The following DAAM2 variants were observed in gnomAD, a reference collection of about 807,000 sequenced individuals.
DAAM2 encodes dishevelled associated activator of morphogenesis 2.
A neutral mutation model predicts 120.7 loss-of-function variants in DAAM2; 39 were observed. The observed-to-expected ratio is 0.32, with a 90% confidence interval of 0.25 to 0.42. DAAM2 has a LOEUF of 0.42. Ranked by LOEUF, DAAM2 falls within the 10% of genes least tolerant of loss-of-function variation. The pLI, the probability that DAAM2 is intolerant of heterozygous loss-of-function variation, is 1.00. For synonymous variants in DAAM2, 488 were observed against 524.9 expected (o/e 0.93, Z 0.96); for missense variants, 1,283 against 1,401.7 (o/e 0.92, Z 1.35).
intron 1 of DAAM2, among the ~76,000 whole-genome samples, chr6:39,817,412 T>A (rs1321608491): frequency 6.6e-6 from 1 of 152,176 alleles, no homozygotes; most frequent in Non-Finnish European, 1.5e-5. Flanking sequence ...CGGTAGTGGA[T>A]CAACAGAGGG....
chr6:39,877,950 G>A lies in DAAM2; in HGVS notation c.1302-253G>A, dbSNP rs556980988. ...CCATTCTCTGAGCCTCAGTGGCTCCGGCTGTATCACAAAGGGGCCGGGTTA... is the reference window on the plus strand; with the variant it reads ...CCATTCTCTGAGCCTCAGTGGCTCCAGCTGTATCACAAAGGGGCCGGGTTA... On this transcript the variant is annotated intron_variant, in intron 11 of 24. Coordinates refer to ENST00000274867, the MANE Select transcript of DAAM2 (RefSeq NM_001201427.2). 5.9e-5 allele frequency among the ~76,000 whole-genome samples: 9 copies of A among 152,254 alleles called. No individual in the cohort carries two copies. The South Asian group carries it at 8.3e-4, about 14-fold the overall frequency.
At chr6:39,819,380 T>G (rs1304558895) in intron 1 of DAAM2, 2 of 152,198 alleles carry the variant, frequency 1.3e-5, no homozygotes, top group African/African-American at 4.8e-5. Flanking sequence ...AAATGCTACT[T>G]ACCTCCTCCA....
At chr6:39,840,371 C>A (rs1203428116) in intron 1 of DAAM2, among the ~76,000 whole-genome samples, 2 of 152,184 alleles carry the variant, frequency 1.3e-5, no homozygotes, top group African/African-American at 2.4e-5. Context: ...GATGCTAATA[C>A]CCACATTTCG....
In DAAM2 at chr6:39,879,283, T is replaced by G; in HGVS notation, c.1651T>G (p.Cys551Gly). ...PPPPPPLPFA[C>G]CPPPPPPPLP... is the part of the protein sequence containing the mutation. Reference sequence around the variant, plus strand: ...ACCCCCTCCTCCTCTGCCCTTTGCCTGTTGTCCCCCTCCCCCACCACCACC... The same window carrying G: ...ACCCCCTCCTCCTCTGCCCTTTGCCGGTTGTCCCCCTCCCCCACCACCACC... The change falls in exon 14 of 25, where the codon TGT (cysteine) becomes GGT (glycine). Residue 551 changes from cysteine (C) to glycine (G), a missense_variant. By Grantham distance (159) the Cys-to-Gly change is radical. This residue lies in a region of DAAM2 where 748 missense variants were observed against 768.6 expected (regional missense o/e 0.97). Coordinates refer to ENST00000274867, the MANE Select transcript of DAAM2 (RefSeq NM_001201427.2). 1 of 1,470,832 alleles carries G rather than the reference T, an allele frequency of 6.8e-7. No individual in the cohort carries two copies. Among genetic ancestry groups the G allele is most frequent in the Non-Finnish European group, 9.3e-7 (1 of 1,078,396 alleles). The allele number at this position is 1,470,832 out of a possible 1,614,324, so 91.1% of individuals were successfully genotyped here.
intron 21 of DAAM2, 118 bp from the exon 22 acceptor site, chr6:39,898,759 C>G (rs1766284114): frequency 1.2e-6 from 1 of 840,758 alleles, no homozygotes. Flanking sequence ...GGGCTGGAAC[C>G]CAGGCTCACC....
chr6:39,873,538 G>GTCT (rs1363342141), intron 10 of DAAM2, among the ~76,000 whole-genome samples, 183 bp downstream of exon 10: 1 of 152,210 alleles, frequency 6.6e-6, no homozygotes, highest in Non-Finnish European at 1.5e-5. Flanking sequence ...TTGGGGTCAG[G>GTCT]TCTTCACTGT....
intron 1 of DAAM2, among the ~76,000 whole-genome samples, chr6:39,798,853 G>T (rs1761777837): frequency 1.4e-5 from 2 of 144,542 alleles, no homozygotes; most frequent in Non-Finnish European, 3.1e-5. Flanking sequence ...CTTGAACCTG[G>T]CACACAACTC....
Position 39,904,184 on chromosome 6 carries a change from G to GGT in DAAM2, c.*2147_*2148insGT, listed in dbSNP as rs1766650024. ...TATGGAAGCTGTTCAAGATACATTT[G>GGT]ATCTTCAGAAAAGCAGAATTTGGTT... On this transcript the variant is annotated 3_prime_UTR_variant, in exon 25 of 25. Coordinates refer to ENST00000274867, the MANE Select transcript of DAAM2 (RefSeq NM_001201427.2). The GGT allele has an allele frequency of 3.9e-5, 18 of 456,594 alleles. No homozygotes were observed. Among genetic ancestry groups the GGT allele is most frequent in the South Asian group, 2.8e-4 (18 of 64,556 alleles). The allele number at this position is 456,594 out of a possible 1,614,324, so 28.3% of individuals were successfully genotyped here. A position where few individuals can be genotyped will look rare whatever the true frequency, so the allele number is the denominator to read the frequency against.
chr6:39,859,377 G>A (rs1360186450), intron 2 of DAAM2, among the ~76,000 whole-genome samples: 1 of 152,108 alleles, frequency 6.6e-6, no homozygotes, highest in Non-Finnish European at 1.5e-5. Context: ...CCTCAAACAG[G>A]GTTCTGGGAA....
At chr6:39,847,677 A>G (rs1275686023) in intron 1 of DAAM2, among the ~76,000 whole-genome samples, 1 of 151,866 alleles carries the variant, frequency 6.6e-6, no homozygotes, top group African/African-American at 2.4e-5. Context: ...TGGCACCACC[A>G]GCATCCACCC....
chr6:39,804,530 G>GTGTT (rs1761955981), intron 1 of DAAM2, among the ~76,000 whole-genome samples: 1 of 151,674 alleles, frequency 6.6e-6, no homozygotes, highest in African/African-American at 2.4e-5. Context: ...TTCTGTGTGT[G>GTGTT]TGTGTGTGTG....
At chr6:39,872,064 C>G (rs1456526305) in intron 9 of DAAM2, among the ~76,000 whole-genome samples, 2 of 151,532 alleles carry the variant, frequency 1.3e-5, no homozygotes, top group African/African-American at 4.8e-5. Context: ...AGACCCTAAG[C>G]TGATTGGATG....
At chr6:39,853,322 TGTCCTCAGGAGCATAAA>T (rs1460380352) in intron 1 of DAAM2, among the ~76,000 whole-genome samples, 2 of 152,186 alleles carry the variant, frequency 1.3e-5, no homozygotes, top group Non-Finnish European at 2.9e-5. Context: ...GGGAGGGCAT[TGTCCTCAGGAGCATAAA>T]CATACTTGGG....
intron 1 of DAAM2, among the ~76,000 whole-genome samples, chr6:39,801,610 G>A (rs912527988): frequency 2.6e-5 from 4 of 152,206 alleles, no homozygotes; most frequent in Admixed American, 1.3e-4. Context: ...GATTCCTCCT[G>A]ATGGGTGTTT....
intron 1 of DAAM2, among the ~76,000 whole-genome samples, chr6:39,828,568 G>GTTTTTTTTTTTT (rs1762761772): frequency 9.4e-6 from 1 of 106,866 alleles, no homozygotes. Context: ...ACCCCCCTCC[G>GTTTTTTTTTTTT]TCTTTTTTTT....
chr6:39,892,473 C>T (rs1765791166), intron 19 of DAAM2, among the ~76,000 whole-genome samples: 2 of 152,182 alleles, frequency 1.3e-5, no homozygotes, highest in Admixed American at 1.3e-4. Context: ...CTCTTGTCCC[C>T]TAGTACTCCC....
chr6:39,887,791 C>T, intron 16 of DAAM2, 199 bp downstream of exon 16: 1 of 531,346 alleles, frequency 1.9e-6, no homozygotes, highest in Non-Finnish European at 3.4e-6. Flanking sequence ...GTCACGAGGC[C>T]CTTGCCCAGC....
At chr6:39,846,479 A>G (rs1009977154) in intron 1 of DAAM2, among the ~76,000 whole-genome samples, 7 of 152,148 alleles carry the variant, frequency 4.6e-5, no homozygotes, top group Admixed American at 6.5e-5. Context: ...GGTGTTTTCA[A>G]TCTCCTATGG....
In DAAM2 at chr6:39,829,422, A is replaced by G. The variant is rs561506627; in HGVS notation, c.-56-26825A>G. ...AGGAGTGTGACTGTGGTGACCATCG[A>G]TGGGGAGGCTGGCAGCACTCAGGGT... is the stretch of plus-strand genomic sequence containing the variant. On this transcript the variant is annotated intron_variant, in intron 1 of 24. Transcript: ENST00000274867. Among the ~76,000 whole-genome samples, 5 of 152,216 alleles carry G rather than the reference A, an allele frequency of 3.3e-5. No individual in the cohort carries two copies. The South Asian group carries it at 6.2e-4, about 19-fold the overall frequency.
Sources: gnomAD v4.1 joint callset for allele counts (sites outside exome capture counted in the v4.1 genomes callset) on GRCh38, gnomAD v4.1.1 for gene constraint, gnomAD v4.1.1 regional missense constraint, MANE v1.5 for transcripts, NCBI Gene and HGNC (gene_info 2026-07-23, HGNC 2026-07-21) for gene names.